Variants in TUSC3 observed in about 807,000 individuals in gnomAD.
The protein encoded by TUSC3 is dolichyl-diphosphooligosaccharide--protein glycosyltransferase subunit TUSC3.
Under a neutral mutation model 44.8 loss-of-function variants are expected in TUSC3, and 45 were observed. That is an observed-to-expected ratio of 1.00 (90% confidence interval 0.79 to 1.29). The LOEUF (loss-of-function observed/expected upper bound fraction) is 1.29. TUSC3 is among the 50% of genes most tolerant of loss of function. The probability of loss-of-function intolerance (pLI) is 0.00; values close to 1 mark genes in which losing one functional copy is unlikely to be tolerated. For synonymous variants in TUSC3, 212 were observed against 152.9 expected, an observed-to-expected ratio of 1.39 and a Z score of -2.85; for missense variants, 519 against 437.9, an observed-to-expected ratio of 1.19 and a Z score of -1.65.
chr8:15,690,678 A>G (rs1239110529), intron 6 of TUSC3, among the ~76,000 whole-genome samples: 1 of 152,102 alleles, frequency 6.6e-6, no homozygotes, highest in Non-Finnish European at 1.5e-5. Context: ...ATTTTTATGT[A>G]TAGTGTAAGG....
chr8:15,567,701 G>T (rs1226162684), intron 1 of TUSC3, among the ~76,000 whole-genome samples: 1 of 152,174 alleles, frequency 6.6e-6, no homozygotes, highest in Non-Finnish European at 1.5e-5. Context: ...GGTGAAATGA[G>T]GATGGATGTC....
At chr8:15,835,240 G>A in the TUSC3 span, among the ~76,000 whole-genome samples, 2 of 152,048 alleles carry the variant, frequency 1.3e-5, no homozygotes, top group African/African-American at 4.8e-5. Flanking sequence ...TTTACGTAGA[G>A]TTGAAAAAGT....
chr8:15,612,451 A>G (rs1179672327), intron 1 of TUSC3, among the ~76,000 whole-genome samples: 2 of 152,212 alleles, frequency 1.3e-5, no homozygotes, highest in Non-Finnish European at 2.9e-5. Context: ...AATGCAATGT[A>G]CTATTTCTTG....
At chr8:15,591,249 C>G (rs188555890) in intron 1 of TUSC3, among the ~76,000 whole-genome samples, 6 of 151,980 alleles carry the variant, frequency 3.9e-5, no homozygotes, top group African/African-American at 1.4e-4. Context: ...ATTTAAATAA[C>G]TTTTTATTAA....
At chr8:15,736,467 TG>T (rs904933151) in intron 7 of TUSC3, among the ~76,000 whole-genome samples, 1 of 152,274 alleles carries the variant, frequency 6.6e-6, no homozygotes, top group African/African-American at 2.4e-5. Flanking sequence ...ATTTGAACTG[TG>T]GTATCAAATG....
intron 1 of TUSC3, among the ~76,000 whole-genome samples, chr8:15,581,914 G>T (rs1332157678): frequency 6.8e-6 from 1 of 146,646 alleles, no homozygotes; most frequent in Non-Finnish European, 1.5e-5. Context: ...CAGCCTCGCT[G>T]CCGCCTTGCA....
At chr8:15,429,541 A>G (rs1468160161) in intron 1 of TUSC3, among the ~76,000 whole-genome samples, 1 of 148,562 alleles carries the variant, frequency 6.7e-6, no homozygotes, top group Admixed American at 6.6e-5. Flanking sequence ...ATGGCATTGA[A>G]TCTATAAATT....
chr8:15,566,884 C>T (rs557264477), intron 1 of TUSC3, among the ~76,000 whole-genome samples: 1 of 152,118 alleles, frequency 6.6e-6, no homozygotes, highest in Non-Finnish European at 1.5e-5. Context: ...CCTGCGGCTT[C>T]GGCCTCCCAA....
At chr8:15,845,901 T>C in the TUSC3 span, among the ~76,000 whole-genome samples, 1 of 152,150 alleles carries the variant, frequency 6.6e-6, no homozygotes, top group Admixed American at 6.6e-5. Flanking sequence ...AAGAAAAAGA[T>C]GTTTAATTGG....
At chr8:15,783,978 T>A in the TUSC3 span, among the ~76,000 whole-genome samples, 1 of 151,986 alleles carries the variant, frequency 6.6e-6, no homozygotes, top group Non-Finnish European at 1.5e-5. Context: ...ACAAAATATA[T>A]AAGTAACTCA....
chr8:15,847,480 T>A, the TUSC3 span, among the ~76,000 whole-genome samples: 1 of 152,186 alleles, frequency 6.6e-6, no homozygotes, highest in Admixed American at 6.5e-5. Flanking sequence ...TGTGCTTGAC[T>A]GGGCTCCTGT....
intron 3 of TUSC3, among the ~76,000 whole-genome samples, chr8:15,653,979 A>G (rs1198110095): frequency 1.3e-5 from 2 of 152,180 alleles, no homozygotes; most frequent in Non-Finnish European, 2.9e-5. Flanking sequence ...GAGGCTAGGT[A>G]TCTGATGATA....
chr8:15,725,659 G>A (rs1585270986), intron 6 of TUSC3, among the ~76,000 whole-genome samples: 3 of 152,162 alleles, frequency 2.0e-5, no homozygotes, highest in South Asian at 2.1e-4. Context: ...TTCCTGCTGT[G>A]TTTCAGGCAT....
intron 1 of TUSC3, among the ~76,000 whole-genome samples, chr8:15,617,361 A>C (rs553813947): frequency 6.6e-6 from 1 of 151,640 alleles, no homozygotes; most frequent in South Asian, 2.1e-4. Context: ...GGTGGTCTCG[A>C]ACTCCTGACC....
intron 1 of TUSC3, among the ~76,000 whole-genome samples, chr8:15,432,240 G>C (rs1303756021): frequency 6.6e-6 from 1 of 151,988 alleles, no homozygotes; most frequent in Non-Finnish European, 1.5e-5. Context: ...CTGGTTTTAG[G>C]CTTTTTGTTG....
At chr8:15,850,232 C>T in the TUSC3 span, among the ~76,000 whole-genome samples, 1 of 151,754 alleles carries the variant, frequency 6.6e-6, no homozygotes, top group South Asian at 2.1e-4. Context: ...TACTAAATCA[C>T]TTAGTATTAT....
chr8:15,837,752 A>G, the TUSC3 span, among the ~76,000 whole-genome samples: 2 of 152,122 alleles, frequency 1.3e-5, no homozygotes, highest in African/African-American at 2.4e-5. Context: ...GCATTTTATA[A>G]TAACTTTTGT....
At chr8:15,645,327 G>T (rs1806574566) in intron 2 of TUSC3, among the ~76,000 whole-genome samples, 2 of 152,022 alleles carry the variant, frequency 1.3e-5, no homozygotes, top group South Asian at 4.1e-4. Flanking sequence ...TTCCAGACAG[G>T]GTAGTCTTTG....
chr8:15,695,146 G>A (rs577960815), intron 6 of TUSC3, among the ~76,000 whole-genome samples: 1 of 152,334 alleles, frequency 6.6e-6, no homozygotes, highest in South Asian at 2.1e-4. Flanking sequence ...AGGAAGGCAT[G>A]CAGTTAGCAC....
Sources: allele counts gnomAD v4.1 joint callset (sites outside exome capture counted in the v4.1 genomes callset), GRCh38; gene constraint gnomAD v4.1.1; transcripts MANE v1.5; gene names NCBI Gene and HGNC (gene_info 2026-07-23, HGNC 2026-07-21).